Variants in NRXN3 observed in about 807,000 individuals in gnomAD.
The protein encoded by NRXN3 is neurexin 3, also known as neurexin III.
Under a neutral mutation model 137.6 loss-of-function variants are expected in NRXN3, and 32 were observed. That is an observed-to-expected ratio of 0.23 (90% CI 0.18 to 0.31). The LOEUF is 0.31. Ranked by LOEUF, NRXN3 falls within the 10% of genes least tolerant of loss-of-function variation. The probability of loss-of-function intolerance (pLI) is 1.00; values close to 1 mark genes in which losing one functional copy is unlikely to be tolerated. For missense variants in NRXN3, 1,574 were observed against 2,062.5 expected (o/e 0.76, Z 4.59); for synonymous variants, 798 against 784.5 (o/e 1.02, Z -0.29).
chr14:79,831,985 T>C (rs962886382), intron 20 of NRXN3, among the ~76,000 whole-genome samples: 1 of 152,066 alleles, frequency 6.6e-6, no homozygotes, highest in South Asian at 2.1e-4. Flanking sequence ...TTTATATAAG[T>C]CAATTGATTT....
chr14:79,565,097 A>C (rs2097534162), intron 16 of NRXN3, among the ~76,000 whole-genome samples: 1 of 151,944 alleles, frequency 6.6e-6, no homozygotes, highest in Non-Finnish European at 1.5e-5. Flanking sequence ...ACATTAAATT[A>C]ATATTATTGA....
chr14:79,147,223 G>A (rs920375295), intron 15 of NRXN3, among the ~76,000 whole-genome samples: 1 of 152,200 alleles, frequency 6.6e-6, no homozygotes, highest in African/African-American at 2.4e-5. Context: ...CAGCTCCGGG[G>A]AGAGCTGACG....
At chr14:79,549,109 C>T in intron 16 of NRXN3, among the ~76,000 whole-genome samples, 1 of 152,066 alleles carries the variant, frequency 6.6e-6, no homozygotes, top group East Asian at 1.9e-4. Flanking sequence ...TCAGTGTTTT[C>T]CCTCTTTAAT....
chr14:78,616,244 C>G, intron 4 of NRXN3, among the ~76,000 whole-genome samples: 1 of 152,168 alleles, frequency 6.6e-6, no homozygotes, highest in East Asian at 1.9e-4. Flanking sequence ...GTTTGCAAAG[C>G]CCAGCAGGTA....
At chr14:79,229,545 A>T (rs561962641) in intron 15 of NRXN3, among the ~76,000 whole-genome samples, 2 of 152,324 alleles carry the variant, frequency 1.3e-5, no homozygotes, top group East Asian at 3.9e-4. Flanking sequence ...CTGAAGGCAC[A>T]CTAGCAGTGA....
At chr14:79,185,499 A>C (rs1483023268) in intron 15 of NRXN3, among the ~76,000 whole-genome samples, 1 of 144,290 alleles carries the variant, frequency 6.9e-6, no homozygotes, top group East Asian at 2.0e-4. Context: ...GGAGTCTTGC[A>C]CTGTTGCCCA....
intron 15 of NRXN3, among the ~76,000 whole-genome samples, chr14:79,235,981 A>T (rs1397762141): frequency 4.6e-5 from 7 of 152,146 alleles, no homozygotes; most frequent in Non-Finnish European, 8.8e-5. Context: ...AAGACCCCAA[A>T]CACCAGATCC....
chr14:78,656,871 A>G (rs1181344500), intron 6 of NRXN3, among the ~76,000 whole-genome samples: 2 of 151,868 alleles, frequency 1.3e-5, no homozygotes, highest in African/African-American at 2.4e-5. Context: ...GTGAAACCCC[A>G]TCTCTACTAA....
At chr14:79,034,301 T>A (rs2152503054) in intron 15 of NRXN3, among the ~76,000 whole-genome samples, 1 of 150,942 alleles carries the variant, frequency 6.6e-6, no homozygotes, top group Admixed American at 6.7e-5. Flanking sequence ...TGTTAAGCCA[T>A]AAACCATCCC....
intron 4 of NRXN3, among the ~76,000 whole-genome samples, chr14:78,423,157 C>G (rs1567548336): frequency 6.6e-6 from 1 of 150,382 alleles, no homozygotes; most frequent in Non-Finnish European, 1.5e-5. Flanking sequence ...ATATAACTAC[C>G]CTAAACTGTT....
intron 4 of NRXN3, among the ~76,000 whole-genome samples, chr14:78,368,290 A>T (rs2086282548): frequency 1.3e-5 from 2 of 152,214 alleles, no homozygotes; most frequent in South Asian, 4.1e-4. Flanking sequence ...TGAGGTATGG[A>T]GCGTGGAAAT....
chr14:79,739,876 G>T (rs1422885329), intron 19 of NRXN3, among the ~76,000 whole-genome samples: 1 of 152,028 alleles, frequency 6.6e-6, no homozygotes, highest in Non-Finnish European at 1.5e-5. Flanking sequence ...GTCTTTCACA[G>T]GTACCTATCC....
chr14:79,664,099 C>G, intron 17 of NRXN3, 150 bp downstream of exon 17: 1 of 813,478 alleles, frequency 1.2e-6, no homozygotes. Context: ...TAAGTCATCT[C>G]TTTAGGACTT....
chr14:78,251,135 T>A (rs553514608), intron 2 of NRXN3, among the ~76,000 whole-genome samples: 1 of 152,320 alleles, frequency 6.6e-6, no homozygotes, highest in Admixed American at 6.5e-5. Flanking sequence ...CAGGATGACC[T>A]CTTCAAACTT....
chr14:78,190,322 C>A (rs527809416), intron 1 of NRXN3, among the ~76,000 whole-genome samples: 1 of 152,276 alleles, frequency 6.6e-6, no homozygotes, highest in African/African-American at 2.4e-5. Context: ...TGCAAAATAA[C>A]AACACAAACT....
chr14:79,666,413 C>A (rs748363757), intron 17 of NRXN3, among the ~76,000 whole-genome samples: 7 of 152,038 alleles, frequency 4.6e-5, no homozygotes, highest in African/African-American at 1.4e-4. Flanking sequence ...ATTTGGCTAG[C>A]ATTTTAAATT....
At chr14:78,954,926 A>G (rs566721281) in intron 10 of NRXN3, among the ~76,000 whole-genome samples, 1 of 152,236 alleles carries the variant, frequency 6.6e-6, no homozygotes, top group African/African-American at 2.4e-5. Flanking sequence ...CGTTAGCATC[A>G]CTGGACTGAG....
intron 10 of NRXN3, among the ~76,000 whole-genome samples, chr14:78,825,063 CAT>C (rs1245245712): frequency 6.6e-6 from 1 of 151,918 alleles, no homozygotes; most frequent in Non-Finnish European, 1.5e-5. Flanking sequence ...TTGTTTTGCA[CAT>C]ATCAAATTCT....
chr14:78,222,907 T>C (rs1467778392), intron 1 of NRXN3, among the ~76,000 whole-genome samples: 5 of 152,204 alleles, frequency 3.3e-5, no homozygotes, highest in Non-Finnish European at 5.9e-5. Context: ...ACATAATAGG[T>C]GCTCAATAAA....
Sources: gnomAD v4.1 joint callset for allele counts (sites outside exome capture counted in the v4.1 genomes callset) on GRCh38, gnomAD v4.1.1 for gene constraint, MANE v1.5 for transcripts, NCBI Gene and HGNC (gene_info 2026-07-23, HGNC 2026-07-21) for gene names.